Variants in SMIM13 observed in about 807,000 individuals in gnomAD.
The protein encoded by SMIM13 is UPF0766 protein C6orf228.
A neutral mutation model predicts 5.9 loss-of-function variants in SMIM13; 3 were observed. The ratio of observed to expected loss-of-function variants is 0.51; its 90% confidence interval spans 0.23 to 1.31. The LOEUF (loss-of-function observed/expected upper bound fraction) is 1.31. SMIM13 is among the 40% of genes most tolerant of loss of function. The pLI is 0.18. For synonymous variants in SMIM13, 55 were observed against 46.0 expected (o/e 1.19, Z -0.79); for missense variants, 85 against 109.9 (o/e 0.77, Z 1.01).
chr6:11,117,917 A>G (rs576761620), intron 1 of SMIM13, among the ~76,000 whole-genome samples: 119 of 152,184 alleles, frequency 7.8e-4, no homozygotes, highest in Non-Finnish European at 9.4e-4. Context: ...TGTGTTTTCA[A>G]TAGAGATGGA....
At chr6:11,118,978 A>G (rs1758277045) in intron 1 of SMIM13, among the ~76,000 whole-genome samples, 1 of 152,240 alleles carries the variant, frequency 6.6e-6, no homozygotes, top group Admixed American at 6.5e-5. Context: ...ATTGCAGTCT[A>G]ACATGCCTCT....
intron 1 of SMIM13, among the ~76,000 whole-genome samples, chr6:11,098,165 C>T (rs1221403695): frequency 2.0e-5 from 3 of 152,242 alleles, no homozygotes; most frequent in African/African-American, 7.2e-5. Context: ...CAGACTCCTT[C>T]ACCTAGTGAA....
chr6:11,099,408 C>T (rs1362356341), intron 1 of SMIM13, among the ~76,000 whole-genome samples: 1 of 152,050 alleles, frequency 6.6e-6, no homozygotes, highest in Non-Finnish European at 1.5e-5. Context: ...CTCCTGACCT[C>T]GTGATCCACC....
At position 11,094,168 on chromosome 6, in the gene SMIM13, C is replaced by A. The variant is rs1309537441; in HGVS notation, c.-146C>A. The A allele has an allele frequency of 5.8e-6, 1 of 172,356 alleles. No homozygotes were observed. Among genetic ancestry groups the A allele is most frequent in the African/African-American group, 2.4e-5 (1 of 41,632 alleles). 10.7% of individuals were successfully genotyped at this position (172,356 alleles called of 1,614,324 possible). ...TTTGCGCCGCCCCACCCCCTGGGGG[C>A]GCTGCCGAGGGGGCGCCAGCCGCCC... On this transcript the variant is annotated 5_prime_UTR_variant, in exon 1 of 2. Transcript: ENST00000416247.
chr6:11,134,400 T>C lies in SMIM13; in HGVS notation c.77-3T>C. ...TTCTTAATGTTTTTGTCTTTCTCTG[T>C]AGGTTGGTATTTTGTATGGCATCTT... On this transcript the variant is annotated splice_region_variant and splice_polypyrimidine_tract_variant and intron_variant, in intron 1 of 1. Coordinates refer to ENST00000416247, the MANE Select transcript of SMIM13 (RefSeq NM_001135575.2). 1 of 1,549,612 alleles carries C rather than the reference T, an allele frequency of 6.5e-7. No individual in the cohort carries two copies.
At chr6:11,112,371 A>G (rs577354150) in intron 1 of SMIM13, among the ~76,000 whole-genome samples, 1 of 151,180 alleles carries the variant, frequency 6.6e-6, no homozygotes, top group Admixed American at 6.6e-5. Flanking sequence ...TGTGCCTCAG[A>G]CTCCTGAATA....
intron 1 of SMIM13, among the ~76,000 whole-genome samples, chr6:11,118,832 A>G (rs1758274127): frequency 2.6e-5 from 4 of 152,244 alleles, no homozygotes; most frequent in Admixed American, 1.3e-4. Flanking sequence ...TGTTACATGT[A>G]TTAACTTTTA....
At chr6:11,094,875 G>A (rs980591826) in intron 1 of SMIM13, among the ~76,000 whole-genome samples, 6 of 152,178 alleles carry the variant, frequency 3.9e-5, no homozygotes, top group Non-Finnish European at 8.8e-5. Context: ...TCCAAGCAGA[G>A]ATGTGGAGAC....
chr6:11,096,084 A>C (rs1757918422), intron 1 of SMIM13, among the ~76,000 whole-genome samples: 2 of 152,226 alleles, frequency 1.3e-5, no homozygotes, highest in South Asian at 4.1e-4. Flanking sequence ...AAGTGCTTTT[A>C]GTTTCAGAAA....
At position 11,135,757 on chromosome 6, in the gene SMIM13, TAAA is replaced by T. The variant is rs1758510016; in HGVS notation, c.*1158_*1160del. ...TTACATATGCACAAGATTGATGTGATAAAAATCTGTTTAACTCAAAGCGCTGTT... is the reference window on the plus strand; with the variant it reads ...TTACATATGCACAAGATTGATGTGATAATCTGTTTAACTCAAAGCGCTGTT... On this transcript the variant is annotated 3_prime_UTR_variant, in exon 2 of 2. Coordinates refer to ENST00000416247, the MANE Select transcript of SMIM13 (RefSeq NM_001135575.2). 6.6e-6 allele frequency: 1 copy of T among 152,380 alleles called. No individual in the cohort carries two copies. The highest frequency in any genetic ancestry group is 2.1e-4 in the South Asian group (1 of 4,834). The allele number at this position is 152,380 out of a possible 1,614,324, so 9.4% of individuals were successfully genotyped here.
intron 1 of SMIM13, among the ~76,000 whole-genome samples, chr6:11,113,087 T>A (rs1758191370): frequency 6.6e-6 from 1 of 152,262 alleles, no homozygotes; most frequent in Admixed American, 6.5e-5. Flanking sequence ...CGCCTGGGCC[T>A]CCCAAAGTGT....
intron 1 of SMIM13, among the ~76,000 whole-genome samples, chr6:11,126,975 T>G (rs963233793): frequency 1.3e-5 from 2 of 152,202 alleles, no homozygotes; most frequent in African/African-American, 4.8e-5. Context: ...CTTCCCTTAC[T>G]TTCCCCCAAA....
chr6:11,126,005 T>C (rs1379087348), intron 1 of SMIM13, among the ~76,000 whole-genome samples: 2 of 152,176 alleles, frequency 1.3e-5, no homozygotes, highest in African/African-American at 4.8e-5. Context: ...ATAGATGTAC[T>C]TTATTCTTTT....
At chr6:11,122,000 T>C (rs1758316400) in intron 1 of SMIM13, among the ~76,000 whole-genome samples, 1 of 152,240 alleles carries the variant, frequency 6.6e-6, no homozygotes, top group African/African-American at 2.4e-5. Flanking sequence ...TGTAGTCAAC[T>C]GTTGTTCTGT....
chr6:11,133,923 C>G (rs975623374), intron 1 of SMIM13, among the ~76,000 whole-genome samples: 13 of 151,720 alleles, frequency 8.6e-5, no homozygotes, highest in African/African-American at 2.9e-4. Flanking sequence ...CAGAAACTTA[C>G]GAATAGCTTG....
chr6:11,122,859 A>G (rs1758328473), intron 1 of SMIM13, among the ~76,000 whole-genome samples: 1 of 152,112 alleles, frequency 6.6e-6, no homozygotes, highest in Non-Finnish European at 1.5e-5. Context: ...AGGAGATATC[A>G]TTACTGGGGA....
At chr6:11,131,362 C>T (rs1329352307) in intron 1 of SMIM13, among the ~76,000 whole-genome samples, 1 of 150,658 alleles carries the variant, frequency 6.6e-6, no homozygotes, top group South Asian at 2.1e-4. Flanking sequence ...CCAAATTGAT[C>T]TGCAGATTAA....
intron 1 of SMIM13, chr6:11,103,497 G>A (rs555394480): frequency 9.5e-6 from 7 of 738,150 alleles, no homozygotes; most frequent in South Asian, 3.2e-5. Context: ...GAAAATGGAC[G>A]AAGGTCAGTC....
At chr6:11,094,498 C>A (rs975728486) in intron 1 of SMIM13, 109 bp downstream of exon 1, 1 of 855,324 alleles carries the variant, frequency 1.2e-6, no homozygotes, top group South Asian at 1.7e-5. Flanking sequence ...CGTGGACGGA[C>A]AATTGTCTTA....
Sources: gnomAD v4.1 joint callset for allele counts (sites outside exome capture counted in the v4.1 genomes callset) on GRCh38, gnomAD v4.1.1 for gene constraint, MANE v1.5 for transcripts, NCBI Gene and HGNC (gene_info 2026-07-23, HGNC 2026-07-21) for gene names.